DTL: variants seen among roughly 807,000 people sequenced by gnomAD.
The protein encoded by DTL is denticleless E3 ubiquitin protein ligase adapter.
DTL carries 46 observed loss-of-function variants against 87.0 expected under a neutral mutation model. The ratio of observed to expected loss-of-function variants is 0.53; its 90% CI spans 0.42 to 0.68. The LOEUF (loss-of-function observed/expected upper bound fraction) is 0.68, where lower values mean the gene tolerates loss of function less well. DTL is among the 30% of genes least tolerant of loss of function. DTL has a pLI of 0.00. For synonymous variants in DTL, 308 were observed against 311.2 expected, an observed-to-expected ratio of 0.99 and a Z score of 0.11; for missense variants, 737 against 869.4, an observed-to-expected ratio of 0.85 and a Z score of 1.91.
chr1:212,049,155 T>G (rs976429383), intron 5 of DTL, among the ~76,000 whole-genome samples: 1 of 152,158 alleles, frequency 6.6e-6, no homozygotes, highest in Non-Finnish European at 1.5e-5. Context: ...ACTCCTAACC[T>G]CAAGTGATCT....
At chr1:212,068,464 T>C in intron 9 of DTL, 135 bp from the exon 10 acceptor site, 1 of 833,614 alleles carries the variant, frequency 1.2e-6, no homozygotes, top group Non-Finnish European at 1.9e-6. Context: ...AAGAATGTTT[T>C]TGGTTTGTGT....
At chr1:212,053,921 T>C (rs996135697) in intron 5 of DTL, among the ~76,000 whole-genome samples, 5 of 152,230 alleles carry the variant, frequency 3.3e-5, no homozygotes, top group Admixed American at 6.5e-5. Flanking sequence ...TTGAGAATTA[T>C]TCGTTTTCCT....
At chr1:212,066,486 A>G (rs1214347508) in intron 7 of DTL, among the ~76,000 whole-genome samples, 1 of 152,228 alleles carries the variant, frequency 6.6e-6, no homozygotes, top group Non-Finnish European at 1.5e-5. Flanking sequence ...AAACTGGCAC[A>G]AGAAAGTTAA....
rs111412719 is a variant in DTL, at chr1:212,081,379, G to A, written c.1261+629G>A. 8.0e-3 allele frequency among the ~76,000 whole-genome samples: 1,220 copies of A among 152,300 alleles called. 20 individuals carry two copies. Among genetic ancestry groups the A allele is most frequent in the African/African-American group, 0.027 (1,119 of 41,562 alleles). On this transcript the variant is annotated intron_variant, in intron 13 of 14. Coordinates refer to ENST00000366991, the MANE Select transcript of DTL (RefSeq NM_016448.4). ...GAGAGGCTAGCATGGCTGGCCCCTA[G>A]GGCTGCAGCAGGCAAAGGAAAGGGA... is the stretch of plus-strand genomic sequence containing the variant.
Position 212,100,839 on chromosome 1 carries a change from A to G in DTL, c.1849A>G (p.Ser617Gly). The change falls in exon 14 of 15, where the codon AGT (serine) becomes GGT (glycine). Residue 617 changes from serine (S) to glycine (G), a missense_variant. Physicochemically the swap from Ser to Gly is moderately conservative, Grantham distance 56. Coordinates refer to ENST00000366991, the MANE Select transcript of DTL (RefSeq NM_016448.4). The part of the protein sequence containing the change: ...KSSKIEGAGT[S>G]ISEPPSPISP... The stretch of plus-strand genomic sequence containing the variant: ...AAGCAAAATTGAAGGAGCTGGTACC[A>G]GTATCTCAGAGCCTCCGTCTCCTAT... 1 of 1,614,188 alleles carries G rather than the reference A, an allele frequency of 6.2e-7. No homozygotes were observed. Among genetic ancestry groups the G allele is most frequent in the Admixed American group, 1.7e-5 (1 of 60,032 alleles).
intron 13 of DTL, among the ~76,000 whole-genome samples, chr1:212,096,511 G>T (rs1655455979): frequency 6.6e-6 from 1 of 152,182 alleles, no homozygotes; most frequent in African/African-American, 2.4e-5. Flanking sequence ...GGCACTTAAT[G>T]CTGTGAACTT....
At chr1:212,094,660 G>A (rs1655390736) in intron 13 of DTL, among the ~76,000 whole-genome samples, 1 of 152,146 alleles carries the variant, frequency 6.6e-6, no homozygotes, top group African/African-American at 2.4e-5. Flanking sequence ...ATTTTGATGG[G>A]AATTGCATTG....
intron 13 of DTL, among the ~76,000 whole-genome samples, chr1:212,095,898 A>G (rs1655432192): frequency 1.3e-5 from 2 of 152,160 alleles, no homozygotes; most frequent in South Asian, 4.1e-4. Context: ...AGGATGATTT[A>G]GGGAGTATTC....
rs771802054 is a variant in DTL, at chr1:212,043,125, G to C, written c.178+7G>C. ...GGATGTACCTTCTCTTCTGGTAAGA[G>C]AATTACTATCTAGGCAAGGCTTGGA... On this transcript the variant is annotated splice_region_variant and intron_variant, in intron 2 of 14. Coordinates refer to ENST00000366991, the MANE Select transcript of DTL (RefSeq NM_016448.4). The C allele has an allele frequency of 6.2e-7, 1 of 1,608,976 alleles. No homozygotes were observed. The highest frequency in any genetic ancestry group is 8.5e-7 in the Non-Finnish European group (1 of 1,178,078).
Position 212,088,743 on chromosome 1 carries a change from G to A in DTL, c.1261+7993G>A, listed in dbSNP as rs1343232576. 3.9e-5 allele frequency among the ~76,000 whole-genome samples: 6 copies of A among 152,324 alleles called. No individual in the cohort carries two copies. In the East Asian group the frequency reaches 1.2e-3, roughly 29 times the overall value. ...TGTAACGTGATCCTAGAATAGCAAAGTACATGATAAGACTGAAAAGGCAGG... is the reference window on the plus strand; with the variant it reads ...TGTAACGTGATCCTAGAATAGCAAAATACATGATAAGACTGAAAAGGCAGG... On this transcript the variant is annotated intron_variant, in intron 13 of 14. Coordinates refer to ENST00000366991, the MANE Select transcript of DTL (RefSeq NM_016448.4).
chr1:212,076,147 A>C (rs752068002), intron 11 of DTL, among the ~76,000 whole-genome samples: 1 of 152,166 alleles, frequency 6.6e-6, no homozygotes, highest in Non-Finnish European at 1.5e-5. Context: ...ATTTTTTGAC[A>C]TGAATAAAGC....
intron 6 of DTL, among the ~76,000 whole-genome samples, chr1:212,063,978 C>T (rs998978131): frequency 1.3e-5 from 2 of 150,646 alleles, no homozygotes; most frequent in Non-Finnish European, 3.0e-5. Context: ...CTGCAACCTC[C>T]GCCTCCTGGG....
intron 9 of DTL, 121 bp downstream of exon 9, chr1:212,068,448 A>T (rs1251466273): frequency 1.2e-6 from 1 of 841,160 alleles, no homozygotes; most frequent in African/African-American, 1.7e-5. Flanking sequence ...AAAGATAAAA[A>T]CTCAGAAGAA....
chr1:212,095,384 C>T (rs1042043569), intron 13 of DTL, among the ~76,000 whole-genome samples: 8 of 152,090 alleles, frequency 5.3e-5, no homozygotes, highest in South Asian at 2.1e-4. Flanking sequence ...CTTAGAGTTT[C>T]GCTCTTGTTG....
At chr1:212,085,343 C>T (rs1036871538) in intron 13 of DTL, among the ~76,000 whole-genome samples, 1 of 152,200 alleles carries the variant, frequency 6.6e-6, no homozygotes, top group Non-Finnish European at 1.5e-5. Context: ...CCCATCCTAG[C>T]AGGTGTGAAT....
intron 14 of DTL, among the ~76,000 whole-genome samples, chr1:212,102,278 AT>A: frequency 6.6e-6 from 1 of 152,196 alleles, no homozygotes; most frequent in Non-Finnish European, 1.5e-5. Flanking sequence ...CCTAGCCAAA[AT>A]TTCTATTTTT....
chr1:212,078,358 T>C (rs1654894766), intron 12 of DTL, 96 bp downstream of exon 12: 22 of 790,084 alleles, frequency 2.8e-5, no homozygotes. Context: ...AATTTTTATG[T>C]TTAAGTTGAG....
chr1:212,088,501 G>A (rs374968986), intron 13 of DTL, among the ~76,000 whole-genome samples: 1 of 152,244 alleles, frequency 6.6e-6, no homozygotes, highest in African/African-American at 2.4e-5. Context: ...GTAAACAAGG[G>A]GCTCTGAGAA....
intron 13 of DTL, among the ~76,000 whole-genome samples, chr1:212,089,906 C>T (rs994701504): frequency 2.0e-5 from 3 of 152,190 alleles, no homozygotes; most frequent in African/African-American, 4.8e-5. Flanking sequence ...TTATAGGACT[C>T]ATAAAATTTT....
Sources: allele counts gnomAD v4.1 joint callset (sites outside exome capture counted in the v4.1 genomes callset), GRCh38; gene constraint gnomAD v4.1.1; transcripts MANE v1.5; gene names NCBI Gene and HGNC (gene_info 2026-07-23, HGNC 2026-07-21).